NFATC2: variants seen among roughly 807,000 people sequenced by gnomAD.
NFATC2 encodes nuclear factor of activated T-cells, cytoplasmic 2.
Under a neutral mutation model 87.3 loss-of-function variants are expected in NFATC2, and 22 were observed. The ratio of observed to expected loss-of-function variants is 0.25; its 90% CI spans 0.18 to 0.36. The LOEUF (loss-of-function observed/expected upper bound fraction) is 0.36. Among genes scored for constraint, NFATC2 ranks in the 10% least tolerant of loss-of-function variants. The probability of loss-of-function intolerance (pLI) is 1.00; values close to 1 mark genes in which losing one functional copy is unlikely to be tolerated. For synonymous variants in NFATC2, 565 were observed against 542.2 expected, an observed-to-expected ratio of 1.04 and a Z score of -0.58; for missense variants, 1,149 against 1,259.1, an observed-to-expected ratio of 0.91 and a Z score of 1.32.
intron 10 of NFATC2, among the ~76,000 whole-genome samples, chr20:51,393,361 A>C (rs924105079): frequency 1.7e-4 from 26 of 152,342 alleles, no homozygotes; most frequent in African/African-American, 5.8e-4. Flanking sequence ...ATGCAAGTAA[A>C]GATCACAGTG....
chr20:51,541,516 C>G lies in NFATC2; in HGVS notation c.130+854G>C, dbSNP rs2076816732. On this transcript the variant is annotated intron_variant, in intron 1 of 10. Coordinates refer to ENST00000371564, the MANE Select transcript of NFATC2 (RefSeq NM_012340.5). ...AGTGACAGATAAGCATTGGGCCCAGCCCGGGGAAGTCCCCAGCCCCCAGCA... is the reference window on the plus strand; with the variant it reads ...AGTGACAGATAAGCATTGGGCCCAGGCCGGGGAAGTCCCCAGCCCCCAGCA... 2.0e-5 allele frequency among the ~76,000 whole-genome samples: 3 copies of G among 152,168 alleles called. No homozygotes were observed. The South Asian group carries it at 6.2e-4, about 31-fold the overall frequency.
At chr20:51,449,115 T>A (rs1568992140) in intron 6 of NFATC2, among the ~76,000 whole-genome samples, 1 of 152,276 alleles carries the variant, frequency 6.6e-6, no homozygotes, top group East Asian at 1.9e-4. Context: ...CAGGAGGCTG[T>A]CACCTTTCCT....
At chr20:51,464,073 G>T (rs1191350027) in intron 5 of NFATC2, among the ~76,000 whole-genome samples, 1 of 152,222 alleles carries the variant, frequency 6.6e-6, no homozygotes, top group Non-Finnish European at 1.5e-5. Flanking sequence ...AGCAGGGTAT[G>T]TTGCAGGCTG....
chr20:51,393,025 A>G (rs1986549244), intron 10 of NFATC2, among the ~76,000 whole-genome samples: 1 of 152,222 alleles, frequency 6.6e-6, no homozygotes, highest in South Asian at 2.1e-4. Context: ...AAGCATTCAC[A>G]TAGGTAACAG....
chr20:51,425,861 G>A (rs979569981), intron 9 of NFATC2, among the ~76,000 whole-genome samples: 2 of 152,114 alleles, frequency 1.3e-5, no homozygotes, highest in Non-Finnish European at 2.9e-5. Flanking sequence ...TCTGCCAGAG[G>A]CACAACTGGC....
chr20:51,489,509 G>A (rs1341807040), intron 3 of NFATC2, among the ~76,000 whole-genome samples: 1 of 152,140 alleles, frequency 6.6e-6, no homozygotes, highest in Admixed American at 6.5e-5. Flanking sequence ...AAGTCTAATT[G>A]AAGGACTCAT....
rs1029860048 is a variant in NFATC2, at chr20:51,531,972, G to A, written c.131-7862C>T. 3.3e-5 allele frequency among the ~76,000 whole-genome samples: 5 copies of A among 152,128 alleles called. No homozygotes were observed. The South Asian group carries it at 1.0e-3, about 32-fold the overall frequency. On this transcript the variant is annotated intron_variant, in intron 1 of 10. Transcript: ENST00000371564. ...TGCTGACCTTCAGAAAATGTGTGGA[G>A]GAGGTAAAACGTGCTTCCAACACCC...
intron 6 of NFATC2, among the ~76,000 whole-genome samples, chr20:51,452,095 A>G (rs1985862599): frequency 6.6e-6 from 1 of 152,108 alleles, no homozygotes; most frequent in African/African-American, 2.4e-5. Context: ...TCTTGCCTAG[A>G]GCAGACTTTA....
Position 51,524,874 on chromosome 20 carries a change from C to T in NFATC2, c.131-764G>A, listed in dbSNP as rs888165697. Among the ~76,000 whole-genome samples the T allele has an allele frequency of 1.3e-5, 2 of 152,138 alleles. No individual in the cohort carries two copies. The highest frequency in any genetic ancestry group is 4.8e-5 in the African/African-American group (2 of 41,424). On this transcript the variant is annotated intron_variant, in intron 1 of 10. Transcript: ENST00000371564. The surrounding 1 kb of genome is among the most constrained non-coding windows in gnomAD (Gnocchi z 4.0). ...TACCACAGGCAAGCCACTTGCCCCC[C>T]AACAGGCAGGGTCACTGCTACAGAG... is the stretch of plus-strand genomic sequence containing the variant.
intron 5 of NFATC2, among the ~76,000 whole-genome samples, chr20:51,460,965 G>A (rs535014198): frequency 2.6e-5 from 4 of 152,136 alleles, no homozygotes; most frequent in Non-Finnish European, 2.9e-5. Context: ...CAATCTTTCC[G>A]GGTGACTTGT....
At chr20:51,465,008 C>T (rs1423776052) in intron 5 of NFATC2, among the ~76,000 whole-genome samples, 1 of 152,170 alleles carries the variant, frequency 6.6e-6, no homozygotes, top group African/African-American at 2.4e-5. Context: ...TGTCCTGTCC[C>T]TCTCATCTTC....
intron 9 of NFATC2, among the ~76,000 whole-genome samples, chr20:51,410,038 G>A (rs113733886): frequency 5.9e-5 from 9 of 152,046 alleles, no homozygotes; most frequent in East Asian, 5.8e-4. Flanking sequence ...GTGAAACCCC[G>A]TCTCTACTAA....
chr20:51,465,398 A>C (rs1987583667), intron 5 of NFATC2, among the ~76,000 whole-genome samples: 1 of 152,134 alleles, frequency 6.6e-6, no homozygotes, highest in Non-Finnish European at 1.5e-5. Flanking sequence ...ATATATATAG[A>C]AATCACATCA....
At chr20:51,399,088 A>G (rs1987685864) in intron 9 of NFATC2, 1 of 198,342 alleles carries the variant, frequency 5.0e-6, no homozygotes, top group African/African-American at 2.3e-5. Context: ...AGTCAAAGGA[A>G]AATCAGAATT....
chr20:51,540,884 C>G (rs2076806326), intron 1 of NFATC2, among the ~76,000 whole-genome samples: 1 of 151,988 alleles, frequency 6.6e-6, no homozygotes, highest in South Asian at 2.1e-4. Flanking sequence ...CCCTGAAAAA[C>G]ATGACTTTAA....
chr20:51,434,658 T>G (rs1983286039), intron 8 of NFATC2, among the ~76,000 whole-genome samples: 1 of 152,230 alleles, frequency 6.6e-6, no homozygotes, highest in African/African-American at 2.4e-5. Context: ...CACTCAGATA[T>G]TTTCTGGACA....
chr20:51,556,712 CG>C (rs201385310), intron 1 of NFATC2, among the ~76,000 whole-genome samples: 4 of 45,752 alleles, frequency 8.7e-5, no homozygotes, highest in Non-Finnish European at 2.3e-4. Context: ...CAACAGTGCC[CG>C]TTGAGGAGGA....
chr20:51,412,412 G>T (rs1979383297), intron 9 of NFATC2, among the ~76,000 whole-genome samples: 1 of 152,226 alleles, frequency 6.6e-6, no homozygotes, highest in Non-Finnish European at 1.5e-5. Context: ...AAACTAGCAT[G>T]CTGAGAGCTG....
chr20:51,506,682 G>C (rs549625127), intron 3 of NFATC2, among the ~76,000 whole-genome samples: 1 of 152,216 alleles, frequency 6.6e-6, no homozygotes, highest in African/African-American at 2.4e-5. Flanking sequence ...AGCAGGGCCA[G>C]CTGGTGACAC....
Sources: allele counts gnomAD v4.1 joint callset (sites outside exome capture counted in the v4.1 genomes callset), GRCh38; gene constraint gnomAD v4.1.1; non-coding constraint Gnocchi (gnomAD v3.1); transcripts MANE v1.5; gene names NCBI Gene and HGNC (gene_info 2026-07-23, HGNC 2026-07-21).